DTNA: variants seen among roughly 807,000 people sequenced by gnomAD.
DTNA encodes dystrophin-related protein 3.
A neutral mutation model predicts 100.7 loss-of-function variants in DTNA; 43 were observed. The ratio of observed to expected loss-of-function variants is 0.43; its 90% CI spans 0.33 to 0.55. The LOEUF (loss-of-function observed/expected upper bound fraction) is 0.55. Ranked by LOEUF, DTNA falls within the 20% of genes least tolerant of loss-of-function variation. The pLI is 0.04. For synonymous variants in DTNA, 349 were observed against 347.9 expected (o/e 1.00, Z -0.04); for missense variants, 798 against 953.9 (o/e 0.84, Z 2.15).
intron 1 of DTNA, among the ~76,000 whole-genome samples, chr18:34,722,292 G>A (rs1055185756): frequency 1.3e-5 from 2 of 152,040 alleles, no homozygotes; most frequent in East Asian, 1.9e-4. Flanking sequence ...TTAAAAGGGT[G>A]TTAATATAGA....
In DTNA at chr18:34,863,964, A is replaced by C; in HGVS notation, c.1647-2A>C. 6.2e-7 allele frequency: 1 copy of C among 1,608,148 alleles called. No individual in the cohort carries two copies. The highest frequency in any genetic ancestry group is 8.5e-7 in the Non-Finnish European group (1 of 1,176,926). On this transcript the variant is annotated splice_acceptor_variant, in intron 16 of 22. Coordinates refer to ENST00000444659, the MANE Select transcript of DTNA (RefSeq NM_001386795.1). LOFTEE classifies it high-confidence loss of function. ...TTCTGATGTCAGCTGCTTCTTTCTT[A>C]GACAGCGCAAAGATGAGCTGGAACA...
chr18:34,646,534 A>C (rs1487071351), intron 1 of DTNA, among the ~76,000 whole-genome samples: 1 of 152,228 alleles, frequency 6.6e-6, no homozygotes, highest in Non-Finnish European at 1.5e-5. Context: ...ATTTGCCACA[A>C]GTCAATGCCT....
intron 1 of DTNA, among the ~76,000 whole-genome samples, chr18:34,695,950 C>G (rs1190167277): frequency 1.3e-5 from 2 of 152,006 alleles, no homozygotes; most frequent in African/African-American, 2.4e-5. Context: ...AAACATTTTC[C>G]CTTTTCAAAG....
chr18:34,879,939 ACC>A (rs1267956277), intron 20 of DTNA, among the ~76,000 whole-genome samples: 3 of 152,130 alleles, frequency 2.0e-5, no homozygotes, highest in Admixed American at 1.3e-4. Flanking sequence ...ACCTAAACCA[ACC>A]AGTGCCTATC....
At chr18:34,659,874 A>T (rs2074946906) in intron 1 of DTNA, among the ~76,000 whole-genome samples, 1 of 152,226 alleles carries the variant, frequency 6.6e-6, no homozygotes, top group South Asian at 2.1e-4. Context: ...AATGCCAGTA[A>T]TGGCTGCCTA....
chr18:34,601,434 C>T (rs1286435229), intron 1 of DTNA, among the ~76,000 whole-genome samples: 5 of 152,130 alleles, frequency 3.3e-5, no homozygotes, highest in Non-Finnish European at 5.9e-5. Flanking sequence ...TTAGCTAGTC[C>T]TCAACTCCTT....
intron 3 of DTNA, among the ~76,000 whole-genome samples, chr18:34,770,949 A>G (rs2093736647): frequency 6.6e-6 from 1 of 151,774 alleles, no homozygotes; most frequent in South Asian, 2.1e-4. Flanking sequence ...CGCCCGGCTA[A>G]TTTTGTGTTT....
At chr18:34,598,145 A>G (rs2051021224) in intron 1 of DTNA, among the ~76,000 whole-genome samples, 1 of 151,926 alleles carries the variant, frequency 6.6e-6, no homozygotes, top group Admixed American at 6.6e-5. Context: ...TGTCAAGTGG[A>G]GTCAGTAAAA....
At chr18:34,506,180 A>G (rs1195127816) in intron 1 of DTNA, among the ~76,000 whole-genome samples, 1 of 152,180 alleles carries the variant, frequency 6.6e-6, no homozygotes, top group African/African-American at 2.4e-5. Context: ...GGGACAGAAG[A>G]GGGGGCCTAA....
chr18:34,693,247 A>C (rs887880172), intron 1 of DTNA, among the ~76,000 whole-genome samples: 1 of 152,120 alleles, frequency 6.6e-6, no homozygotes, highest in Non-Finnish European at 1.5e-5. Context: ...GCCTGAGATA[A>C]ATAAAGTTTA....
chr18:34,758,214 G>A (rs1247608731), intron 2 of DTNA, among the ~76,000 whole-genome samples: 5 of 152,172 alleles, frequency 3.3e-5, no homozygotes, highest in Non-Finnish European at 5.9e-5. Flanking sequence ...GATTCAAAAA[G>A]TAACTTCTAG....
chr18:34,718,585 A>G (rs2084566093), intron 1 of DTNA, among the ~76,000 whole-genome samples: 1 of 152,184 alleles, frequency 6.6e-6, no homozygotes, highest in Non-Finnish European at 1.5e-5. Context: ...CTGTTTTCTA[A>G]TAAGACGTTA....
chr18:34,585,435 C>G (rs556336622), intron 1 of DTNA, among the ~76,000 whole-genome samples: 93 of 152,244 alleles, frequency 6.1e-4, no homozygotes, highest in African/African-American at 2.1e-3. Context: ...ATCATACATT[C>G]CCATGTGGCT....
intron 1 of DTNA, among the ~76,000 whole-genome samples, chr18:34,592,502 A>ACGCACG (rs1555634398): frequency 8.6e-4 from 130 of 150,610 alleles, no homozygotes; most frequent in African/African-American, 3.1e-3. Context: ...ACACACACAC[A>ACGCACG]CACATTTTGT....
chr18:34,863,560 A>T (rs1419911069), intron 16 of DTNA, among the ~76,000 whole-genome samples: 15 of 152,230 alleles, frequency 9.9e-5, no homozygotes, highest in Admixed American at 9.2e-4. Flanking sequence ...ATTTTCTGTG[A>T]ATTTGCAAAA....
chr18:34,530,799 C>G (rs1201836848), intron 1 of DTNA, among the ~76,000 whole-genome samples: 1 of 152,102 alleles, frequency 6.6e-6, no homozygotes, highest in Non-Finnish European at 1.5e-5. Context: ...CCAGTTCCTA[C>G]CATTCTTAAC....
chr18:34,781,202 A>G (rs1274943808), intron 3 of DTNA, among the ~76,000 whole-genome samples: 3 of 152,208 alleles, frequency 2.0e-5, no homozygotes, highest in South Asian at 2.1e-4. Flanking sequence ...CTTGATTTTC[A>G]TTATTCAGGG....
At position 34,733,425 on chromosome 18, in the gene DTNA, G is replaced by A. The variant is rs1037938913; in HGVS notation, c.-1-22551G>A. Among the ~76,000 whole-genome samples, 9 of 152,332 alleles carry A rather than the reference G, an allele frequency of 5.9e-5. No individual in the cohort carries two copies. In the East Asian group the frequency reaches 1.5e-3, roughly 26 times the overall value. Reference sequence around the variant, plus strand: ...GTGATTAATTAGCCAATGCCAGAGTGCTACACAAGTCAGATTATTCTGATT... The same window carrying A: ...GTGATTAATTAGCCAATGCCAGAGTACTACACAAGTCAGATTATTCTGATT... On this transcript the variant is annotated intron_variant, in intron 1 of 22. Coordinates refer to ENST00000444659, the MANE Select transcript of DTNA (RefSeq NM_001386795.1).
At chr18:34,812,535 C>T (rs544244953) in intron 6 of DTNA, among the ~76,000 whole-genome samples, 1 of 152,298 alleles carries the variant, frequency 6.6e-6, no homozygotes, top group Admixed American at 6.5e-5. Context: ...ACCTTCTTCA[C>T]ATGGCGACAG....
Sources: gnomAD v4.1 joint callset for allele counts (sites outside exome capture counted in the v4.1 genomes callset) on GRCh38, gnomAD v4.1.1 for gene constraint, MANE v1.5 for transcripts, NCBI Gene and HGNC (gene_info 2026-07-23, HGNC 2026-07-21) for gene names.